The following DCC variants were observed in gnomAD, a reference collection of about 807,000 sequenced individuals.
The protein encoded by DCC is DCC netrin 1 receptor, also known as netrin receptor DCC.
In DCC, 58 loss-of-function variants were observed where a neutral mutation model predicts 172.5. The ratio of observed to expected loss-of-function variants is 0.34; its 90% CI spans 0.27 to 0.42. DCC has a LOEUF of 0.42. DCC is among the 10% of genes least tolerant of loss of function. The pLI, the probability that DCC is intolerant of heterozygous loss-of-function variation, is 1.00. For missense variants in DCC, 1,740 were observed against 1,791.0 expected (o/e 0.97, Z 0.51); for synonymous variants, 709 against 644.5 (o/e 1.10, Z -1.52).
intron 2 of DCC, among the ~76,000 whole-genome samples, chr18:52,785,118 T>A (rs148683515): frequency 3.2e-4 from 48 of 152,156 alleles, no homozygotes; most frequent in Middle Eastern, 6.8e-3. Flanking sequence ...CAACCTAGAA[T>A]GTAAATGGAC....
chr18:52,655,982 G>GTATATATATATATGTGCGTATATATA (rs1474130053), intron 1 of DCC, among the ~76,000 whole-genome samples: 5 of 121,618 alleles, frequency 4.1e-5, no homozygotes, highest in Admixed American at 1.6e-4. Context: ...GTGTGTGTGT[G>GTATATATATATATGTGCGTATATATA]TGTGTATATA....
chr18:52,780,244 A>G (rs10502950), intron 2 of DCC, among the ~76,000 whole-genome samples: 86,772 of 152,012 alleles, frequency 0.57, 28,126 homozygotes, highest in East Asian at 0.87. Context: ...AAATTGACAC[A>G]ACCCAGGAAT....
intron 9 of DCC, among the ~76,000 whole-genome samples, chr18:53,183,878 A>G (rs765743004): frequency 5.3e-5 from 8 of 152,028 alleles, no homozygotes; most frequent in African/African-American, 1.2e-4. Context: ...AAGTTTGTCA[A>G]TCATCGAGAC....
intron 1 of DCC, among the ~76,000 whole-genome samples, chr18:52,652,708 T>A (rs2144927296): frequency 2.1e-5 from 1 of 47,210 alleles, no homozygotes; most frequent in Non-Finnish European, 4.9e-5. Flanking sequence ...AGGACTGCAA[T>A]AAAGTGTGTG....
At chr18:53,031,165 C>T (rs551873769) in intron 5 of DCC, among the ~76,000 whole-genome samples, 15 of 152,022 alleles carry the variant, frequency 9.9e-5, no homozygotes, top group Middle Eastern at 3.4e-3. Context: ...AGGCTGAGGC[C>T]GGAGAATTGC....
At chr18:52,933,488 C>T (rs981851741) in intron 5 of DCC, among the ~76,000 whole-genome samples, 3 of 151,616 alleles carry the variant, frequency 2.0e-5, no homozygotes, top group East Asian at 3.9e-4. Context: ...AGTAAATGTG[C>T]AAAGGTCTGG....
intron 1 of DCC, among the ~76,000 whole-genome samples, chr18:52,706,579 A>G (rs991983340): frequency 3.9e-5 from 6 of 152,208 alleles, no homozygotes; most frequent in African/African-American, 1.4e-4. Flanking sequence ...ACCTCAAAGC[A>G]GAGCATTTGT....
intron 1 of DCC, among the ~76,000 whole-genome samples, chr18:52,378,030 G>T (rs1390921619): frequency 6.6e-6 from 1 of 151,106 alleles, no homozygotes; most frequent in Non-Finnish European, 1.5e-5. Flanking sequence ...TTTTTCCCTT[G>T]GTTTTCTAGG....
chr18:52,717,254 G>T (rs187300523), intron 1 of DCC, among the ~76,000 whole-genome samples: 1 of 152,108 alleles, frequency 6.6e-6, no homozygotes, highest in East Asian at 1.9e-4. Context: ...CTAAATAAAA[G>T]TGTTTTATTT....
At chr18:52,350,068 A>G (rs1184468179) in intron 1 of DCC, among the ~76,000 whole-genome samples, 1 of 152,234 alleles carries the variant, frequency 6.6e-6, no homozygotes, top group Non-Finnish European at 1.5e-5. Context: ...TAATAAAATC[A>G]TTGAGATATT....
intron 12 of DCC, among the ~76,000 whole-genome samples, chr18:53,274,631 C>T (rs538081088): frequency 6.6e-5 from 10 of 152,202 alleles, no homozygotes; most frequent in Admixed American, 6.6e-4. Flanking sequence ...GCAAGATTTT[C>T]AGGGAAATAA....
At chr18:52,645,276 C>T (rs78097921) in intron 1 of DCC, among the ~76,000 whole-genome samples, 7 of 151,772 alleles carry the variant, frequency 4.6e-5, no homozygotes, top group Admixed American at 6.6e-5. Flanking sequence ...TAGATTACAC[C>T]GAGAAAATTC....
intron 7 of DCC, among the ~76,000 whole-genome samples, chr18:53,121,096 G>A (rs116388227): frequency 0.012 from 1,833 of 151,918 alleles, 32 homozygotes; most frequent in African/African-American, 0.041. Context: ...AGAAAGTTAA[G>A]GATAGTGAGA....
chr18:53,387,051 T>G (rs964750692), intron 16 of DCC, among the ~76,000 whole-genome samples: 20 of 152,150 alleles, frequency 1.3e-4, no homozygotes, highest in African/African-American at 4.8e-4. Flanking sequence ...TCAGATATTG[T>G]CCCCTTAACG....
chr18:53,459,542 C>T (rs1262946120), intron 24 of DCC, 84 bp downstream of exon 24: 1 of 874,228 alleles, frequency 1.1e-6, no homozygotes, highest in Non-Finnish European at 1.9e-6. Context: ...GAAATGTCTT[C>T]CCTACTAATT....
intron 14 of DCC, among the ~76,000 whole-genome samples, chr18:53,331,150 T>C (rs1487105027): frequency 6.6e-6 from 1 of 152,332 alleles, no homozygotes; most frequent in Non-Finnish European, 1.5e-5. Flanking sequence ...ATATACAATA[T>C]GAAAATGAAA....
intron 1 of DCC, among the ~76,000 whole-genome samples, chr18:52,378,692 G>A (rs140247262): frequency 3.9e-5 from 6 of 152,020 alleles, no homozygotes; most frequent in African/African-American, 1.4e-4. Context: ...GACTACAGGT[G>A]CACACCACCA....
At chr18:52,855,195 C>G (rs1203611597) in intron 2 of DCC, among the ~76,000 whole-genome samples, 1 of 152,218 alleles carries the variant, frequency 6.6e-6, no homozygotes, top group Non-Finnish European at 1.5e-5. Flanking sequence ...GATCAGTCCC[C>G]ACTATTTCCA....
At chr18:52,665,197 G>A (rs2035442285) in intron 1 of DCC, among the ~76,000 whole-genome samples, 1 of 152,162 alleles carries the variant, frequency 6.6e-6, no homozygotes, top group Admixed American at 6.5e-5. Flanking sequence ...GTGTGGTTTT[G>A]GCATGGCAGG....
Sources: gnomAD v4.1 joint callset for allele counts (sites outside exome capture counted in the v4.1 genomes callset) on GRCh38, gnomAD v4.1.1 for gene constraint, MANE v1.5 for transcripts, NCBI Gene and HGNC (gene_info 2026-07-23, HGNC 2026-07-21) for gene names.